Variants in DDC observed in about 807,000 individuals in gnomAD.
DDC encodes dopa decarboxylase, also known as aromatic-L-amino-acid decarboxylase.
A neutral mutation model predicts 60.0 loss-of-function variants in DDC; 43 were observed. The ratio of observed to expected loss-of-function variants is 0.72; its 90% confidence interval spans 0.56 to 0.92. The LOEUF (loss-of-function observed/expected upper bound fraction) is 0.92. DDC is among the 40% of genes least tolerant of loss of function. The pLI is 0.00. For synonymous variants in DDC, 232 were observed against 234.6 expected (o/e 0.99, Z 0.10); for missense variants, 573 against 620.2 (o/e 0.92, Z 0.81).
chr7:50,553,428 G>C (rs536887056), intron 1 of DDC, among the ~76,000 whole-genome samples: 3 of 151,258 alleles, frequency 2.0e-5, no homozygotes, highest in African/African-American at 7.3e-5. Context: ...ACACTAATTT[G>C]GCTGATTTCC....
intron 12 of DDC, among the ~76,000 whole-genome samples, chr7:50,468,094 C>T (rs564255267): frequency 1.8e-4 from 27 of 152,252 alleles, no homozygotes; most frequent in Non-Finnish European, 3.7e-4. Context: ...TACAGCAGGG[C>T]CCCCATGTTG....
At chr7:50,508,246 C>T (rs527583091) in intron 6 of DDC, among the ~76,000 whole-genome samples, 1 of 152,354 alleles carries the variant, frequency 6.6e-6, no homozygotes, top group East Asian at 1.9e-4. Context: ...GCACCTGCTC[C>T]GCTCCAGGCT....
intron 1 of DDC, among the ~76,000 whole-genome samples, chr7:50,551,751 G>A (rs1375918130): frequency 6.6e-6 from 1 of 152,072 alleles, no homozygotes; most frequent in Non-Finnish European, 1.5e-5. Context: ...GACCCAATTT[G>A]CTTATAATTC....
At chr7:50,507,014 T>G (rs1338026574) in intron 6 of DDC, among the ~76,000 whole-genome samples, 1 of 152,216 alleles carries the variant, frequency 6.6e-6, no homozygotes, top group African/African-American at 2.4e-5. Context: ...TTAAAGCACT[T>G]TGTCTAAGAC....
intron 2 of DDC, among the ~76,000 whole-genome samples, chr7:50,541,819 G>A (rs913759856): frequency 5.9e-5 from 9 of 152,196 alleles, no homozygotes; most frequent in African/African-American, 1.4e-4. Context: ...AGCACTCATC[G>A]TTAAATATAT....
At chr7:50,546,162 T>C (rs1318960570) in intron 1 of DDC, among the ~76,000 whole-genome samples, 1 of 152,246 alleles carries the variant, frequency 6.6e-6, no homozygotes, top group East Asian at 1.9e-4. Context: ...ACTATCAGCT[T>C]CCAGCACTTC....
chr7:50,540,441 T>C (rs2044587724), intron 2 of DDC, among the ~76,000 whole-genome samples: 2 of 152,020 alleles, frequency 1.3e-5, no homozygotes, highest in Non-Finnish European at 2.9e-5. Flanking sequence ...AAAAGCTTAG[T>C]TTTCCTAAAA....
intron 6 of DDC, among the ~76,000 whole-genome samples, chr7:50,526,298 C>T (rs75468674): frequency 0.018 from 2,696 of 152,078 alleles, 160 homozygotes; most frequent in Admixed American, 0.11. Context: ...ATACAAAGTA[C>T]CAAAAATAAA....
At chr7:50,543,028 C>T (rs964316512) in intron 2 of DDC, 1 of 152,552 alleles carries the variant, frequency 6.6e-6, no homozygotes, top group South Asian at 2.1e-4. Context: ...TGCTCATAGG[C>T]CTTACAACCA....
chr7:50,527,532 A>C (rs1177928736), intron 6 of DDC, among the ~76,000 whole-genome samples: 1 of 152,100 alleles, frequency 6.6e-6, no homozygotes, highest in African/African-American at 2.4e-5. Context: ...TATTTGTTTG[A>C]CAAATATTTA....
At chr7:50,492,910 A>C (rs760745861) in intron 9 of DDC, 20 of 1,596,388 alleles carry the variant, frequency 1.3e-5, no homozygotes. Context: ...GCTCTGCGGC[A>C]GGCACTCCAC....
At chr7:50,516,468 A>C (rs2043735456) in intron 6 of DDC, among the ~76,000 whole-genome samples, 1 of 148,440 alleles carries the variant, frequency 6.7e-6, no homozygotes, top group African/African-American at 2.6e-5. Context: ...CACCTCATTG[A>C]AAAGACTGAA....
intron 7 of DDC, among the ~76,000 whole-genome samples, chr7:50,500,334 T>G (rs1251600168): frequency 6.6e-6 from 1 of 152,162 alleles, no homozygotes; most frequent in Non-Finnish European, 1.5e-5. Flanking sequence ...TGTGCTGACC[T>G]CATTACCACT....
chr7:50,559,857 A>C (rs1404810169), intron 1 of DDC, among the ~76,000 whole-genome samples: 1 of 152,224 alleles, frequency 6.6e-6, no homozygotes, highest in East Asian at 1.9e-4. Flanking sequence ...GAAGAGCAGA[A>C]AACAAAAGTA....
intron 4 of DDC, among the ~76,000 whole-genome samples, chr7:50,535,918 C>T (rs1005746251): frequency 1.1e-4 from 16 of 152,104 alleles, no homozygotes; most frequent in Admixed American, 7.2e-4. Context: ...ACCCACTTTC[C>T]GATCTTATAT....
intron 4 of DDC, among the ~76,000 whole-genome samples, chr7:50,535,626 A>C (rs2044379477): frequency 6.6e-6 from 1 of 152,238 alleles, no homozygotes; most frequent in Admixed American, 6.5e-5. Flanking sequence ...TCTGGGTGTC[A>C]TCCGGATGAA....
At chr7:50,504,570 T>C (rs1032244557) in intron 6 of DDC, among the ~76,000 whole-genome samples, 3 of 151,084 alleles carry the variant, frequency 2.0e-5, no homozygotes, top group African/African-American at 7.3e-5. Flanking sequence ...AATTAAAATA[T>C]ACACAAGTGT....
At chr7:50,525,887 G>C (rs373002656) in intron 6 of DDC, among the ~76,000 whole-genome samples, 3 of 151,350 alleles carry the variant, frequency 2.0e-5, no homozygotes, top group African/African-American at 7.3e-5. Context: ...AGTTGATGAA[G>C]CATGGAGATT....
At chr7:50,545,511 C>T (rs185384421) in intron 1 of DDC, among the ~76,000 whole-genome samples, 38 of 152,298 alleles carry the variant, frequency 2.5e-4, no homozygotes, top group Middle Eastern at 3.4e-3. Flanking sequence ...TTGCTCTTGT[C>T]GCCCAGGCTG....
Sources: gnomAD v4.1 joint callset for allele counts (sites outside exome capture counted in the v4.1 genomes callset) on GRCh38, gnomAD v4.1.1 for gene constraint, MANE v1.5 for transcripts, NCBI Gene and HGNC (gene_info 2026-07-23, HGNC 2026-07-21) for gene names.